The following EXD1 variants were observed in gnomAD, a reference collection of about 807,000 sequenced individuals.
The protein encoded by EXD1 is piRNA biogenesis protein EXD1.
In EXD1, 63 loss-of-function variants were observed where a neutral mutation model predicts 49.1. The ratio of observed to expected loss-of-function variants is 1.28; its 90% CI spans 1.05 to 1.58. EXD1 has a LOEUF of 1.58. Among genes scored for constraint, EXD1 ranks in the 40% most tolerant of loss-of-function variants. EXD1 has a pLI of 0.00. For missense variants in EXD1, 748 were observed against 666.0 expected (o/e 1.12, Z -1.36); for synonymous variants, 234 against 239.2 (o/e 0.98, Z 0.20).
At chr15:41,208,010 C>CA (rs10707284) in intron 7 of EXD1, among the ~76,000 whole-genome samples, 2,217 of 106,308 alleles carry the variant, frequency 0.021, 28 homozygotes, top group African/African-American at 0.032. Flanking sequence ...GACCCTGCCT[C>CA]AAAAAAAAAA....
intron 2 of EXD1, among the ~76,000 whole-genome samples, chr15:41,221,271 CT>C (rs1312160662): frequency 6.6e-6 from 1 of 151,916 alleles, no homozygotes; most frequent in Non-Finnish European, 1.5e-5. Flanking sequence ...TTTTAATATG[CT>C]TTTTTATTTT....
chr15:41,208,393 A>AG (rs2046868302), intron 7 of EXD1, among the ~76,000 whole-genome samples: 1 of 146,172 alleles, frequency 6.8e-6, no homozygotes, highest in Non-Finnish European at 1.5e-5. Context: ...AAAAAAAAAA[A>AG]GTAAAGGAAG....
intron 7 of EXD1, among the ~76,000 whole-genome samples, chr15:41,207,066 C>T: frequency 6.8e-6 from 1 of 146,718 alleles, no homozygotes. Context: ...CGTGGTGAAA[C>T]CCCGTCTCTA....
intron 7 of EXD1, among the ~76,000 whole-genome samples, chr15:41,206,618 CTTT>C (rs764744329): frequency 0.24 from 24,311 of 100,224 alleles, 1,707 homozygotes; most frequent in African/African-American, 0.41. Flanking sequence ...TTATTCAATT[CTTT>C]TTTTTTTTTT....
intron 7 of EXD1, among the ~76,000 whole-genome samples, chr15:41,207,118 G>A (rs549320313): frequency 1.4e-4 from 21 of 151,210 alleles, no homozygotes; most frequent in Non-Finnish European, 2.7e-4. Flanking sequence ...GCGGGAGCCT[G>A]TAGTCCCAGC....
chr15:41,207,312 C>T lies in EXD1; in HGVS notation c.534+2189G>A, dbSNP rs564399821. On this transcript the variant is annotated intron_variant, in intron 7 of 11. Transcript: ENST00000458580. Reference sequence around the variant, plus strand: ...ATCCCAGCACTATGGGAGGCCAAGGCGGGTGGATCACCTGAGGTCGGGAGT... The same window carrying T: ...ATCCCAGCACTATGGGAGGCCAAGGTGGGTGGATCACCTGAGGTCGGGAGT... Among the ~76,000 whole-genome samples, 44 of 151,712 alleles carry T rather than the reference C, an allele frequency of 2.9e-4. 1 individual carries two copies. Among genetic ancestry groups the T allele is most frequent in the Admixed American group, 1.6e-3 (24 of 15,224 alleles).
chr15:41,223,075 G>A (rs550633259), intron 2 of EXD1, among the ~76,000 whole-genome samples: 4 of 147,560 alleles, frequency 2.7e-5, no homozygotes, highest in African/African-American at 7.4e-5. Context: ...TACAGCCTCC[G>A]AATAGCTGAG....
chr15:41,211,796 A>T (rs914162334), intron 6 of EXD1, among the ~76,000 whole-genome samples: 2 of 102,756 alleles, frequency 1.9e-5, no homozygotes, highest in Admixed American at 9.7e-5. Flanking sequence ...CTCATTTCTT[A>T]AAAAAAAAAA....
chr15:41,217,070 A>G (rs779119677), intron 4 of EXD1, 27 bp downstream of exon 4: 13 of 1,599,714 alleles, frequency 8.1e-6, no homozygotes, highest in Non-Finnish European at 1.1e-5. Context: ...GGAAAATATC[A>G]TAATTAAGAA....
chr15:41,192,043 G>A (rs570597455), intron 9 of EXD1: 2 of 162,054 alleles, frequency 1.2e-5, no homozygotes, highest in African/African-American at 2.4e-5. Context: ...TGATGAGCAC[G>A]GAGGTTCTGA....
chr15:41,186,882 CTTTTT>C (rs774036405), intron 11 of EXD1, among the ~76,000 whole-genome samples: 4 of 133,516 alleles, frequency 3.0e-5, no homozygotes, highest in African/African-American at 1.1e-4. Context: ...TCAAGCGATT[CTTTTT>C]TTTTTTCTTT....
rs2046516739 is a variant in EXD1 at position 41,191,538 on chromosome 15, T to G, written c.768A>C (p.Pro256=). Residue 256 remains proline (P), a synonymous_variant, in exon 10 of 12, where the codon CCA becomes CCC. Coordinates refer to ENST00000458580, the MANE Select transcript of EXD1 (RefSeq NM_001286441.2). ...TCTCCTGCAAAGTAGTGATGCAGTT[T>G]GGAAGATAGCCACCCGTTTCCATGG... ...QFSMETGGYL[P]NCITTLQESL... is the part of the protein sequence containing the mutation. The G allele has an allele frequency of 1.2e-6, 2 of 1,614,120 alleles. No homozygotes were observed. Among genetic ancestry groups the G allele is most frequent in the Non-Finnish European group, 1.7e-6 (2 of 1,179,994 alleles).
intron 2 of EXD1, among the ~76,000 whole-genome samples, chr15:41,221,272 T>C (rs1035432566): frequency 6.6e-6 from 1 of 152,090 alleles, no homozygotes; most frequent in Non-Finnish European, 1.5e-5. Context: ...TTTAATATGC[T>C]TTTTTATTTT....
chr15:41,194,370 G>A (rs906537229), intron 9 of EXD1, among the ~76,000 whole-genome samples: 2 of 152,062 alleles, frequency 1.3e-5, no homozygotes, highest in African/African-American at 4.8e-5. Context: ...CAGAGGAGAA[G>A]GTGATGTGAT....
Position 41,219,877 on chromosome 15 carries a change from C to G in EXD1, c.155G>C (p.Arg52Pro). 2.0e-6 allele frequency: 3 copies of G among 1,535,582 alleles called. No individual in the cohort carries two copies. The highest frequency in any genetic ancestry group is 2.6e-6 in the Non-Finnish European group (3 of 1,146,674). Residue 52 changes from arginine to proline, a missense_variant, in exon 3 of 12, where the codon CGA (arginine) becomes CCA (proline). Transcript: ENST00000458580. ...AAACAACTTCACTCCTGGGACACTT[C>G]GACCTGTCTCCACATTCTTCACTGT... The part of the protein sequence containing the change: ...LKKVKNVETG[R>P]SVPGVKLFFG...
intron 7 of EXD1, among the ~76,000 whole-genome samples, chr15:41,202,406 A>G (rs1266536960): frequency 6.6e-6 from 1 of 151,622 alleles, no homozygotes; most frequent in African/African-American, 2.4e-5. Context: ...TGAACTCTTG[A>G]GCTCAGGTGA....
chr15:41,186,824 G>C (rs1398276117), intron 11 of EXD1, among the ~76,000 whole-genome samples: 1 of 151,034 alleles, frequency 6.6e-6, no homozygotes, highest in East Asian at 1.9e-4. Flanking sequence ...GCCCAGGCTG[G>C]AGTACAATGG....
chr15:41,186,470 C>CAAAAAAAAAAAAAAAAAAAAAAAAAAAA (rs58793050), intron 11 of EXD1, among the ~76,000 whole-genome samples: 10 of 68,262 alleles, frequency 1.5e-4, no homozygotes, highest in Non-Finnish European at 2.2e-4. Flanking sequence ...GACTCTGTCT[C>CAAAAAAAAAAAAAAAAAAAAAAAAAAAA]AAAAAAAAAA....
chr15:41,198,291 C>T (rs567986792), intron 7 of EXD1, among the ~76,000 whole-genome samples: 4 of 152,194 alleles, frequency 2.6e-5, no homozygotes, highest in Admixed American at 1.3e-4. Context: ...GACTTTCATC[C>T]CCACTATCCA....
Sources: allele counts gnomAD v4.1 joint callset (sites outside exome capture counted in the v4.1 genomes callset), GRCh38; gene constraint gnomAD v4.1.1; transcripts MANE v1.5; gene names NCBI Gene and HGNC (gene_info 2026-07-23, HGNC 2026-07-21).